Variants in COL11A1 observed in about 807,000 individuals in gnomAD.
COL11A1 encodes the protein collagen type XI alpha 1 chain.
A neutral mutation model predicts 265.2 loss-of-function variants in COL11A1; 74 were observed. That is an observed-to-expected ratio of 0.28 (90% confidence interval 0.23 to 0.34). COL11A1 has a LOEUF of 0.34. COL11A1 is among the 10% of genes least tolerant of loss of function. The pLI is 1.00. For missense variants in COL11A1, 2,165 were observed against 2,263.6 expected (o/e 0.96, Z 0.88); for synonymous variants, 816 against 727.6 (o/e 1.12, Z -1.96).
At chr1:103,104,125 T>A in intron 1 of COL11A1, among the ~76,000 whole-genome samples, 1 of 152,208 alleles carries the variant, frequency 6.6e-6, no homozygotes, top group South Asian at 2.1e-4. Context: ...CTTTTAAAAA[T>A]CTTATATAAA....
At chr1:102,997,819 A>G (rs1216388097) in intron 25 of COL11A1, among the ~76,000 whole-genome samples, 1 of 151,972 alleles carries the variant, frequency 6.6e-6, no homozygotes, top group Non-Finnish European at 1.5e-5. Flanking sequence ...TTTCTAGAAA[A>G]GAAAGAAATC....
At position 103,031,286 on chromosome 1, in the gene COL11A1, A is replaced by G. The variant is rs771673859; in HGVS notation, c.652-42T>C. Reference sequence around the variant, plus strand: ...AACAAAAACAAACAGACACAGATTCAGTTAGCATATTAAAGTACACATATA... The same window carrying G: ...AACAAAAACAAACAGACACAGATTCGGTTAGCATATTAAAGTACACATATA... On this transcript the variant is annotated intron_variant, in intron 4 of 66. Coordinates refer to ENST00000370096, the MANE Select transcript of COL11A1 (RefSeq NM_001854.4). 49 of 1,588,478 alleles carry G rather than the reference A, an allele frequency of 3.1e-5. No homozygotes were observed. In the East Asian group the frequency reaches 1.1e-3, roughly 36 times the overall value.
chr1:102,945,560 A>G (rs1420397342), intron 42 of COL11A1, among the ~76,000 whole-genome samples: 1 of 152,170 alleles, frequency 6.6e-6, no homozygotes, highest in Non-Finnish European at 1.5e-5. Context: ...ATAGAGGAGT[A>G]TTTTTGAATA....
intron 1 of COL11A1, among the ~76,000 whole-genome samples, chr1:103,094,901 G>T (rs1397334713): frequency 1.3e-5 from 2 of 151,878 alleles, no homozygotes; most frequent in African/African-American, 4.8e-5. Context: ...TCTTATGTTG[G>T]TCAAAAGTCA....
chr1:103,006,083 T>A lies in COL11A1; in HGVS notation c.1776A>T (p.Gly592=), dbSNP rs1211057639. Residue 592 remains glycine, a synonymous_variant, in exon 17 of 67, where the codon GGA becomes GGT. Coordinates refer to ENST00000370096, the MANE Select transcript of COL11A1 (RefSeq NM_001854.4). The part of the protein sequence containing the change: ...PGADGGRGMP[G]EPGAKGDRGF... Reference sequence around the variant, plus strand: ...AGCTCCTGACCTTTGCCCCAGGTTCTCCTGGCATTCCTCTTCCTCCATCTG... The same window carrying A: ...AGCTCCTGACCTTTGCCCCAGGTTCACCTGGCATTCCTCTTCCTCCATCTG... The A allele has an allele frequency of 3.1e-6, 5 of 1,613,948 alleles. No homozygotes were observed. The highest frequency in any genetic ancestry group is 4.2e-6 in the Non-Finnish European group (5 of 1,179,986).
Position 103,101,285 on chromosome 1 carries a change from G to A in COL11A1, c.106+6788C>T, listed in dbSNP as rs145640370. Among the ~76,000 whole-genome samples, 769 of 152,046 alleles carry A rather than the reference G, an allele frequency of 5.1e-3. 5 individuals are homozygous for A. Among genetic ancestry groups the A allele is most frequent in the Non-Finnish European group, 8.4e-3 (569 of 67,894 alleles). ...GACAACAAACTTATCCTAAAAGCCAGTGAAATAATTGAAGTTTCATTTGCA... is the reference window on the plus strand; with the variant it reads ...GACAACAAACTTATCCTAAAAGCCAATGAAATAATTGAAGTTTCATTTGCA... On this transcript the variant is annotated intron_variant, in intron 1 of 66. Transcript: ENST00000370096.
chr1:103,043,617 C>T (rs1669012207), intron 4 of COL11A1, among the ~76,000 whole-genome samples: 1 of 152,072 alleles, frequency 6.6e-6, no homozygotes, highest in Admixed American at 6.6e-5. Flanking sequence ...AATACTATTA[C>T]TTGTATTTCC....
chr1:102,931,805 G>C (rs1657481032), intron 46 of COL11A1, among the ~76,000 whole-genome samples: 1 of 151,804 alleles, frequency 6.6e-6, no homozygotes, highest in Non-Finnish European at 1.5e-5. Context: ...ATTTAGGATA[G>C]TTAGCTCTTC....
At chr1:103,028,162 CT>C (rs1455465154) in intron 5 of COL11A1, among the ~76,000 whole-genome samples, 2 of 152,096 alleles carry the variant, frequency 1.3e-5, no homozygotes, top group Non-Finnish European at 2.9e-5. Flanking sequence ...TCCTGAGTAG[CT>C]AGGATTACAG....
intron 54 of COL11A1, among the ~76,000 whole-genome samples, chr1:102,904,807 G>A (rs769762887): frequency 0.032 from 4,806 of 151,994 alleles, 99 homozygotes; most frequent in Middle Eastern, 0.086. Context: ...CATTGTGGAA[G>A]TCGGTGTGGC....
At chr1:103,053,164 C>A (rs895654996) in intron 4 of COL11A1, among the ~76,000 whole-genome samples, 7 of 152,154 alleles carry the variant, frequency 4.6e-5, no homozygotes, top group African/African-American at 1.4e-4. Flanking sequence ...CAGGGCAATG[C>A]CCCTTTTAGA....
chr1:102,987,371 C>CA (rs1663674912), intron 30 of COL11A1, among the ~76,000 whole-genome samples: 2 of 145,532 alleles, frequency 1.4e-5, no homozygotes, highest in African/African-American at 5.1e-5. Context: ...ACATTTCTTG[C>CA]TTTTTTTTTT....
In COL11A1 at chr1:103,008,445, C is replaced by G; in HGVS notation, c.1683+18G>C. The G allele has an allele frequency of 5.0e-6, 8 of 1,609,772 alleles. No individual in the cohort carries two copies. The highest frequency in any genetic ancestry group is 6.8e-6 in the Non-Finnish European group (8 of 1,176,288). On this transcript the variant is annotated intron_variant, in intron 15 of 66. Transcript: ENST00000370096. ...AAGAAGCCAGTCAAGAATAAAAAGTCAAATTTTTATTTTTTACCTGAGGAC... is the reference window on the plus strand; with the variant it reads ...AAGAAGCCAGTCAAGAATAAAAAGTGAAATTTTTATTTTTTACCTGAGGAC...
rs893909665 is a variant in COL11A1 at position 102,989,461 on chromosome 1, A to C, written c.2394+57T>G. ...ACTATATTTAAAGATAAGCAAAGGAAAAAATATATATATATATTAAATTTT... is the reference window on the plus strand; with the variant it reads ...ACTATATTTAAAGATAAGCAAAGGACAAAATATATATATATATTAAATTTT... On this transcript the variant is annotated intron_variant, in intron 29 of 66. Coordinates refer to ENST00000370096, the MANE Select transcript of COL11A1 (RefSeq NM_001854.4). 1.7e-4 allele frequency: 185 copies of C among 1,057,822 alleles called. 1 individual carries two copies. The highest frequency in any genetic ancestry group is 2.4e-4 in the Non-Finnish European group (180 of 749,780). The allele number at this position is 1,057,822 out of a possible 1,614,324, so 65.5% of individuals were successfully genotyped here. A position where few individuals can be genotyped will look rare whatever the true frequency, so the allele number is the denominator to read the frequency against.
chr1:103,027,396 A>AAAATATATATATATATAT (rs1421941501), intron 5 of COL11A1, among the ~76,000 whole-genome samples: 1 of 92,094 alleles, frequency 1.1e-5, no homozygotes, highest in South Asian at 3.7e-4. Flanking sequence ...TTAAAACTCT[A>AAAATATATATATATATAT]ATATATATAT....
intron 31 of COL11A1, among the ~76,000 whole-genome samples, chr1:102,980,621 A>T (rs1239091947): frequency 7.2e-6 from 1 of 139,184 alleles, no homozygotes; most frequent in Admixed American, 7.7e-5. Context: ...TAAGGGAAAT[A>T]TAACAAAGCC....
chr1:103,081,906 C>A (rs1429401416), intron 2 of COL11A1, among the ~76,000 whole-genome samples: 3 of 151,918 alleles, frequency 2.0e-5, no homozygotes, highest in African/African-American at 7.2e-5. Context: ...GTCAGAGAGC[C>A]TCTGTGAAAT....
chr1:102,888,528 C>G (rs1263824911), intron 62 of COL11A1, 49 bp downstream of exon 62: 1 of 1,544,424 alleles, frequency 6.5e-7, no homozygotes, highest in Admixed American at 1.7e-5. Context: ...TCATTGGCAG[C>G]TTCCAGATGC....
At chr1:102,903,302 T>C (rs2100957294) in intron 54 of COL11A1, among the ~76,000 whole-genome samples, 1 of 152,312 alleles carries the variant, frequency 6.6e-6, no homozygotes, top group African/African-American at 2.4e-5. Flanking sequence ...TCTTTCTCAG[T>C]ATCACTGCCA....
Sources: gnomAD v4.1 joint callset for allele counts (sites outside exome capture counted in the v4.1 genomes callset) on GRCh38, gnomAD v4.1.1 for gene constraint, MANE v1.5 for transcripts, NCBI Gene and HGNC (gene_info 2026-07-23, HGNC 2026-07-21) for gene names.